PLD1: variants seen among roughly 807,000 people sequenced by gnomAD.
PLD1 encodes the protein phospholipase D1.
Under a neutral mutation model 137.1 loss-of-function variants are expected in PLD1, and 112 were observed. The ratio of observed to expected loss-of-function variants is 0.82; its 90% confidence interval spans 0.70 to 0.96. The LOEUF is 0.96. Ranked by LOEUF, PLD1 falls within the 40% of genes least tolerant of loss-of-function variation. The pLI, the probability that PLD1 is intolerant of heterozygous loss-of-function variation, is 0.00. For missense variants in PLD1, 1,321 were observed against 1,342.0 expected (o/e 0.98, Z 0.24); for synonymous variants, 431 against 454.7 (o/e 0.95, Z 0.66).
intron 1 of PLD1, among the ~76,000 whole-genome samples, chr3:171,764,896 GAAGGAAGGAAGGAAGGAAAGAAAGA>G (rs1560288782): frequency 0.021 from 669 of 31,368 alleles, 112 homozygotes; most frequent in Non-Finnish European, 0.025. Context: ...AGAAAGAAAG[GAAGGAAGGAAGGAAGGAAAGAAAGA>G]AAGGAAAGAA....
At chr3:171,658,776 G>A (rs1737422939) in intron 21 of PLD1, among the ~76,000 whole-genome samples, 1 of 151,992 alleles carries the variant, frequency 6.6e-6, no homozygotes, top group South Asian at 2.1e-4. Flanking sequence ...AGTTTAAGTG[G>A]CTGGATTATA....
chr3:171,623,889 A>C (rs946450905), intron 23 of PLD1, among the ~76,000 whole-genome samples: 3 of 152,054 alleles, frequency 2.0e-5, no homozygotes, highest in African/African-American at 7.2e-5. Flanking sequence ...CTCCAAATGG[A>C]TCAGAGATAA....
intron 1 of PLD1, among the ~76,000 whole-genome samples, chr3:171,758,288 G>A (rs1037038844): frequency 6.6e-6 from 1 of 152,170 alleles, no homozygotes; most frequent in Non-Finnish European, 1.5e-5. Flanking sequence ...CTGGTGGGTG[G>A]CAGAAAGATG....
chr3:171,789,542 A>C (rs1327599630), intron 1 of PLD1: 1 of 152,216 alleles, frequency 6.6e-6, no homozygotes, highest in Admixed American at 6.5e-5. Flanking sequence ...ATATCTGTAT[A>C]CAAAAGACAA....
intron 16 of PLD1, among the ~76,000 whole-genome samples, chr3:171,685,937 G>A (rs1459752876): frequency 6.6e-6 from 1 of 151,944 alleles, no homozygotes; most frequent in Non-Finnish European, 1.5e-5. Context: ...TGGCCAACAT[G>A]GCAAAACCCC....
At chr3:171,603,481 C>A (rs1409950369) in intron 26 of PLD1, among the ~76,000 whole-genome samples, 179 bp from the exon 27 acceptor site, 3 of 152,140 alleles carry the variant, frequency 2.0e-5, no homozygotes, top group Non-Finnish European at 2.9e-5. Context: ...ATAGATAGAT[C>A]TGCTACAAAC....
intron 25 of PLD1, chr3:171,611,671 AG>A (rs1429106510): frequency 1.9e-6 from 1 of 518,606 alleles, no homozygotes; most frequent in South Asian, 1.4e-5. Context: ...ATTTTACACC[AG>A]CAGTCACTGG....
chr3:171,671,177 T>G (rs1419749182), intron 19 of PLD1, among the ~76,000 whole-genome samples: 1 of 152,234 alleles, frequency 6.6e-6, no homozygotes, highest in African/African-American at 2.4e-5. Flanking sequence ...CATGTTATTA[T>G]ATTTAGCTGG....
At chr3:171,634,154 C>A (rs1420303416) in intron 23 of PLD1, among the ~76,000 whole-genome samples, 2 of 152,114 alleles carry the variant, frequency 1.3e-5, no homozygotes, top group African/African-American at 4.8e-5. Flanking sequence ...CACTGAGATG[C>A]CTTATTTTGA....
At chr3:171,616,220 G>T (rs1733100304) in intron 24 of PLD1, among the ~76,000 whole-genome samples, 1 of 151,970 alleles carries the variant, frequency 6.6e-6, no homozygotes. Context: ...GTATTAAATG[G>T]GTTGCAAATA....
chr3:171,745,676 A>G (rs999068572), intron 1 of PLD1, among the ~76,000 whole-genome samples: 2 of 152,206 alleles, frequency 1.3e-5, no homozygotes, highest in Admixed American at 6.5e-5. Flanking sequence ...TCAGGGGGGT[A>G]AGAGGAGTAC....
chr3:171,688,635 TG>T (rs1470095326), intron 14 of PLD1, 40 bp downstream of exon 14: 14 of 1,404,586 alleles, frequency 1.0e-5, no homozygotes, highest in Admixed American at 1.7e-5. Flanking sequence ...ATACAAATTA[TG>T]TTCGTGTTAT....
chr3:171,616,963 C>T (rs1733164848), intron 24 of PLD1, among the ~76,000 whole-genome samples: 1 of 152,276 alleles, frequency 6.6e-6, no homozygotes, highest in South Asian at 2.1e-4. Flanking sequence ...TCTGTCTTTT[C>T]TGCCTACTTG....
At chr3:171,713,476 A>G (rs1717427349) in intron 9 of PLD1, among the ~76,000 whole-genome samples, 1 of 152,254 alleles carries the variant, frequency 6.6e-6, no homozygotes, top group Non-Finnish European at 1.5e-5. Flanking sequence ...AGCCTGTCTC[A>G]GAGAAAAAGA....
At chr3:171,624,379 G>T (rs1733905514) in intron 23 of PLD1, among the ~76,000 whole-genome samples, 1 of 152,142 alleles carries the variant, frequency 6.6e-6, no homozygotes, top group Non-Finnish European at 1.5e-5. Context: ...TATTCTGTTA[G>T]TGAGAATGGG....
chr3:171,710,570 G>C (rs564871007), intron 9 of PLD1, among the ~76,000 whole-genome samples: 4 of 152,332 alleles, frequency 2.6e-5, no homozygotes, highest in Admixed American at 2.0e-4. Flanking sequence ...GCGGAACTCA[G>C]GTGGTAATGC....
chr3:171,712,586 A>G (rs1443906590), intron 9 of PLD1, among the ~76,000 whole-genome samples: 5 of 152,236 alleles, frequency 3.3e-5, no homozygotes, highest in Non-Finnish European at 5.9e-5. Flanking sequence ...AAATAAAGGC[A>G]GGAAAATAAA....
intron 22 of PLD1, among the ~76,000 whole-genome samples, chr3:171,644,559 A>AT (rs1284988019): frequency 6.6e-6 from 1 of 152,126 alleles, no homozygotes; most frequent in Non-Finnish European, 1.5e-5. Flanking sequence ...CAGGCATTTA[A>AT]TTTTTTCTCT....
intron 1 of PLD1, among the ~76,000 whole-genome samples, chr3:171,745,672 G>A (rs1720097535): frequency 6.6e-6 from 1 of 152,220 alleles, no homozygotes; most frequent in Non-Finnish European, 1.5e-5. Flanking sequence ...TACATCAGGG[G>A]GGTAAGAGGA....
Sources: allele counts gnomAD v4.1 joint callset (sites outside exome capture counted in the v4.1 genomes callset), GRCh38; gene constraint gnomAD v4.1.1; transcripts MANE v1.5; gene names NCBI Gene and HGNC (gene_info 2026-07-23, HGNC 2026-07-21).